PPP2R1B: variants seen among roughly 807,000 people sequenced by gnomAD.
The protein encoded by PPP2R1B is serine/threonine-protein phosphatase 2A 65 kDa regulatory subunit A beta isoform.
A neutral mutation model predicts 72.7 loss-of-function variants in PPP2R1B; 58 were observed. The observed-to-expected ratio is 0.80, with a 90% CI of 0.65 to 0.99. The LOEUF (loss-of-function observed/expected upper bound fraction) is 0.99. Among genes scored for constraint, PPP2R1B ranks in the 50% least tolerant of loss-of-function variants. The pLI, the probability that PPP2R1B is intolerant of heterozygous loss-of-function variation, is 0.00. For synonymous variants in PPP2R1B, 256 were observed against 264.6 expected (o/e 0.97, Z 0.32); for missense variants, 695 against 733.6 (o/e 0.95, Z 0.61).
At chr11:111,763,872 A>C (rs200677653) in intron 3 of PPP2R1B, among the ~76,000 whole-genome samples, 20 of 151,554 alleles carry the variant, frequency 1.3e-4, no homozygotes, top group South Asian at 4.2e-4. Flanking sequence ...CTCTCTCTAT[A>C]TATATATATT....
At chr11:111,755,274 A>G (rs1162656197) in intron 6 of PPP2R1B, 21 bp downstream of exon 6, 1 of 1,590,892 alleles carries the variant, frequency 6.3e-7, no homozygotes, top group Admixed American at 1.8e-5. Flanking sequence ...TTTCCTTAGT[A>G]CTTAAAAATG....
chr11:111,713,638 C>A, the PPP2R1B span, among the ~76,000 whole-genome samples: 1 of 152,198 alleles, frequency 6.6e-6, no homozygotes, highest in Non-Finnish European at 1.5e-5. Context: ...ATTATACATA[C>A]TGAAAGACAG....
chr11:111,753,551 A>G lies in PPP2R1B; in HGVS notation c.1056T>C (p.His352=). The part of the protein sequence containing the change: ...IKELVSDTNQ[H]VKSALASVIM... ...TTACAGAAGCTAGAGCCGATTTGAC[A>G]TGTTGATTGGTATCGGATACTAATT... The change falls in exon 9 of 15, where the codon CAT becomes CAC. Residue 352 remains histidine (H), a synonymous_variant. Transcript: ENST00000527614. 6.2e-7 allele frequency: 1 copy of G among 1,612,158 alleles called. No homozygotes were observed. Among genetic ancestry groups the G allele is most frequent in the Non-Finnish European group, 8.5e-7 (1 of 1,179,088 alleles).
At chr11:111,706,858 G>C in the PPP2R1B span, among the ~76,000 whole-genome samples, 1 of 151,324 alleles carries the variant, frequency 6.6e-6, no homozygotes, top group Admixed American at 6.6e-5. Context: ...TACTTGGGAG[G>C]CTGAGGCAGG....
chr11:111,723,687 C>G (rs370956094), downstream of PPP2R1B: 9 of 1,613,930 alleles, frequency 5.6e-6, no homozygotes, highest in African/African-American at 1.2e-4. Context: ...GTCCTGGAGC[C>G]TTCCTCCGAG....
chr11:111,688,204 C>A, the PPP2R1B span: 1 of 1,603,072 alleles, frequency 6.2e-7, no homozygotes, highest in Non-Finnish European at 8.5e-7. This position sits in a 1 kb window ranked among gnomAD's most constrained non-coding sequence, Gnocchi z 4.2. Flanking sequence ...CCGAAGTGAG[C>A]CACTGCACTC....
the PPP2R1B span, chr11:111,688,001 ACTAT>A: frequency 6.2e-7 from 1 of 1,613,876 alleles, no homozygotes; most frequent in Admixed American, 1.7e-5. This position sits in a 1 kb window ranked among gnomAD's most constrained non-coding sequence, Gnocchi z 4.2. Flanking sequence ...TCATTTACAG[ACTAT>A]CTTGCTAATC....
At chr11:111,751,027 T>C (rs1944888255) in intron 10 of PPP2R1B, among the ~76,000 whole-genome samples, 1 of 152,116 alleles carries the variant, frequency 6.6e-6, no homozygotes, top group Non-Finnish European at 1.5e-5. Context: ...TTAGTAGAGA[T>C]GGGGTTTCAC....
the PPP2R1B span, among the ~76,000 whole-genome samples, chr11:111,705,854 T>C: frequency 6.6e-6 from 1 of 152,012 alleles, no homozygotes; most frequent in Non-Finnish European, 1.5e-5. The surrounding 1 kb of genome is among the most constrained non-coding windows in gnomAD (Gnocchi z 4.3). Flanking sequence ...AAGAAGAAAT[T>C]TGGAGAGAGC....
the PPP2R1B span, among the ~76,000 whole-genome samples, chr11:111,698,696 GCAAGACC>G: frequency 6.6e-6 from 1 of 152,208 alleles, no homozygotes; most frequent in Admixed American, 6.5e-5. Flanking sequence ...GGGCAACAGA[GCAAGACC>G]CTATCTCAAA....
At chr11:111,755,474 T>C (rs1555049353) in intron 5 of PPP2R1B, 24 bp from the exon 6 acceptor site, 1 of 1,583,844 alleles carries the variant, frequency 6.3e-7, no homozygotes. Flanking sequence ...ATTTCTGTAA[T>C]TCAGACATTT....
chr11:111,752,407 G>A, intron 9 of PPP2R1B, 75 bp from the exon 10 acceptor site: 1 of 1,400,898 alleles, frequency 7.1e-7, no homozygotes, highest in Non-Finnish European at 9.5e-7. Context: ...GTCAGGGTAA[G>A]ATAAAAGGTG....
At chr11:111,742,787 G>T in intron 12 of PPP2R1B, 122 bp from the exon 13 acceptor site, 1 of 844,596 alleles carries the variant, frequency 1.2e-6, no homozygotes, top group South Asian at 2.6e-5. Flanking sequence ...AGTTTGAGCA[G>T]CTGAGTGGGG....
Position 111,741,995 on chromosome 11 carries a change from G to A in PPP2R1B, c.1789+58C>T, listed in dbSNP as rs775107780. 4 of 1,365,612 alleles carry A rather than the reference G, an allele frequency of 2.9e-6. No homozygotes were observed. The African/African-American group carries it at 4.3e-5, about 15-fold the overall frequency. 84.6% of individuals were successfully genotyped at this position (1,365,612 alleles called of 1,614,324 possible). ...CCCACTTAACACCTCTCACATAATA[G>A]AGATAAATCCCAGTTAACCAAGGCA... On this transcript the variant is annotated intron_variant, in intron 14 of 14. Transcript: ENST00000527614.
intron 7 of PPP2R1B, 150 bp from the exon 8 acceptor site, chr11:111,754,719 C>A: frequency 7.3e-7 from 1 of 1,375,062 alleles, no homozygotes. Context: ...TAAACTTTTT[C>A]GTGAACTCTC....
Position 111,748,015 on chromosome 11 carries a change from C to G in PPP2R1B, c.1339-1G>C. ...GCTTTTCATCAAAGAATTCCACACCCTACAGATACAGAAGATTCCATTAAC... is the reference window on the plus strand; with the variant it reads ...GCTTTTCATCAAAGAATTCCACACCGTACAGATACAGAAGATTCCATTAAC... On this transcript the variant is annotated splice_acceptor_variant, in intron 10 of 14. Coordinates refer to ENST00000527614, the MANE Select transcript of PPP2R1B (RefSeq NM_002716.5). LOFTEE classifies it high-confidence loss of function. 6.2e-7 allele frequency: 1 copy of G among 1,612,216 alleles called. No individual in the cohort carries two copies. The highest frequency in any genetic ancestry group is 8.5e-7 in the Non-Finnish European group (1 of 1,179,252).
Position 111,743,357 on chromosome 11 carries a change from A to C in PPP2R1B, c.1554+19T>G. ...GCTTTAATGATTAAGCTTAGCAATA[A>C]CAGTTATGTTATACTTACATTAATG... On this transcript the variant is annotated intron_variant, in intron 12 of 14. Coordinates refer to ENST00000527614, the MANE Select transcript of PPP2R1B (RefSeq NM_002716.5). The C allele has an allele frequency of 6.3e-7, 1 of 1,587,102 alleles. No homozygotes were observed. The highest frequency in any genetic ancestry group is 8.6e-7 in the Non-Finnish European group (1 of 1,161,364).
Position 111,743,069 on chromosome 11 carries a change from T to G in PPP2R1B, c.1554+307A>C, listed in dbSNP as rs147156177. ...CCACCATGCCCGGCTAATTTTTGTA[T>G]TTTTAGTAGAGACAAGGTCTTGCCA... is the stretch of plus-strand genomic sequence containing the variant. On this transcript the variant is annotated intron_variant, in intron 12 of 14. Coordinates refer to ENST00000527614, the MANE Select transcript of PPP2R1B (RefSeq NM_002716.5). Among the ~76,000 whole-genome samples the G allele has an allele frequency of 4.6e-3, 693 of 152,160 alleles. 4 individuals are homozygous for G. Among genetic ancestry groups the G allele is most frequent in the African/African-American group, 0.015 (616 of 41,506 alleles).
intron 10 of PPP2R1B, among the ~76,000 whole-genome samples, chr11:111,749,322 C>T (rs549179822): frequency 4.7e-5 from 7 of 149,576 alleles, no homozygotes; most frequent in African/African-American, 1.5e-4. Context: ...CTCTCTCTGT[C>T]GCCCAGGCTG....
Sources: gnomAD v4.1 joint callset for allele counts (sites outside exome capture counted in the v4.1 genomes callset) on GRCh38, gnomAD v4.1.1 for gene constraint, Gnocchi (gnomAD v3.1) non-coding constraint, MANE v1.5 for transcripts, NCBI Gene and HGNC (gene_info 2026-07-23, HGNC 2026-07-21) for gene names.